The following CSMD1 variants were observed in gnomAD, a reference collection of about 807,000 sequenced individuals.
CSMD1 encodes the protein CUB and Sushi multiple domains 1.
In CSMD1, 213 loss-of-function variants were observed where a neutral mutation model predicts 417.5. The ratio of observed to expected loss-of-function variants is 0.51; its 90% CI spans 0.46 to 0.57. The LOEUF is 0.57. Ranked by LOEUF, CSMD1 falls within the 20% of genes least tolerant of loss-of-function variation. The pLI is 0.00. For synonymous variants in CSMD1, 2,862 were observed against 1,736.8 expected, an observed-to-expected ratio of 1.65 and a Z score of -16.11; for missense variants, 6,923 against 4,529.7, an observed-to-expected ratio of 1.53 and a Z score of -15.17.
chr8:4,735,043 C>G (rs1376709329), intron 1 of CSMD1, among the ~76,000 whole-genome samples: 4 of 152,166 alleles, frequency 2.6e-5, no homozygotes, highest in African/African-American at 7.2e-5. Flanking sequence ...TGATGGAGAA[C>G]AAGTCAGTTC....
At chr8:4,030,998 C>T (rs1453109309) in intron 4 of CSMD1, among the ~76,000 whole-genome samples, 3 of 152,172 alleles carry the variant, frequency 2.0e-5, no homozygotes, top group Non-Finnish European at 4.4e-5. Flanking sequence ...TTCTCATCTC[C>T]ATCCGAGACC....
chr8:4,326,264 C>T (rs1799557951), intron 3 of CSMD1, among the ~76,000 whole-genome samples: 1 of 152,174 alleles, frequency 6.6e-6, no homozygotes, highest in Non-Finnish European at 1.5e-5. Context: ...TGCAGATCAT[C>T]TTCACATACG....
At chr8:3,872,261 T>A (rs1408410878) in intron 5 of CSMD1, among the ~76,000 whole-genome samples, 2 of 152,200 alleles carry the variant, frequency 1.3e-5, no homozygotes, top group Non-Finnish European at 2.9e-5. Flanking sequence ...AGGGTTCTTC[T>A]GTGAACTGAA....
chr8:3,447,029 G>A (rs1815349046), intron 12 of CSMD1, among the ~76,000 whole-genome samples: 1 of 152,174 alleles, frequency 6.6e-6, no homozygotes, highest in South Asian at 2.1e-4. Context: ...TTCATTTTCA[G>A]GAAGACAGAA....
chr8:4,124,458 G>A (rs1478316020), intron 3 of CSMD1, among the ~76,000 whole-genome samples: 4 of 152,120 alleles, frequency 2.6e-5, no homozygotes, highest in African/African-American at 9.7e-5. Context: ...AGCTGCAGAT[G>A]GCCACTGTGG....
chr8:2,980,033 A>C (rs76469501), intron 54 of CSMD1, among the ~76,000 whole-genome samples: 1 of 152,204 alleles, frequency 6.6e-6, no homozygotes, highest in African/African-American at 2.4e-5. Flanking sequence ...CCATTCTTAC[A>C]TCAAGCATAA....
intron 3 of CSMD1, among the ~76,000 whole-genome samples, chr8:4,065,211 A>T (rs544274955): frequency 5.3e-5 from 8 of 152,218 alleles, no homozygotes; most frequent in African/African-American, 1.9e-4. Context: ...CTTATGAAAG[A>T]AAATAGTCCT....
chr8:3,277,785 C>G (rs1311880716), intron 26 of CSMD1, among the ~76,000 whole-genome samples: 6 of 152,020 alleles, frequency 3.9e-5, no homozygotes, highest in African/African-American at 1.4e-4. Flanking sequence ...CTTAGGAGTA[C>G]CAGAATTGGA....
intron 42 of CSMD1, 88 bp downstream of exon 42, chr8:3,118,311 T>A: frequency 2.2e-6 from 2 of 908,100 alleles, no homozygotes; most frequent in Non-Finnish European, 3.3e-6. Context: ...AATACATTAA[T>A]AAATTACTGG....
intron 3 of CSMD1, among the ~76,000 whole-genome samples, chr8:4,151,036 A>G (rs565566250): frequency 2.6e-5 from 4 of 152,162 alleles, no homozygotes; most frequent in Non-Finnish European, 5.9e-5. Context: ...ATGCAGACGT[A>G]ATAAAACGGT....
chr8:4,974,043 C>A (rs1165421055), intron 1 of CSMD1, among the ~76,000 whole-genome samples: 1 of 152,148 alleles, frequency 6.6e-6, no homozygotes, highest in Admixed American at 6.6e-5. Context: ...TTATTTTAGA[C>A]AGAGTCTCAC....
chr8:3,684,452 T>C (rs928125556), intron 7 of CSMD1, among the ~76,000 whole-genome samples: 4 of 150,694 alleles, frequency 2.7e-5, no homozygotes, highest in African/African-American at 4.9e-5. Flanking sequence ...ACTTAACAAT[T>C]TTATTTAGAT....
intron 3 of CSMD1, among the ~76,000 whole-genome samples, chr8:4,090,056 T>C (rs1388983475): frequency 2.0e-5 from 3 of 152,226 alleles, no homozygotes; most frequent in Non-Finnish European, 4.4e-5. Flanking sequence ...ATAGGACATG[T>C]AAATTTTCGA....
intron 7 of CSMD1, among the ~76,000 whole-genome samples, chr8:3,642,551 C>T (rs1368212291): frequency 1.3e-5 from 2 of 152,170 alleles, no homozygotes; most frequent in East Asian, 3.9e-4. Flanking sequence ...AGATAAAGTT[C>T]CAAGGAACAG....
In CSMD1 at chr8:2,950,293, T is replaced by G; in HGVS notation, c.10252A>C (p.Lys3418Gln). The change falls in exon 67 of 70, where the codon AAA (lysine) becomes CAA (glutamine). Residue 3418 changes from lysine (K) to glutamine (Q), a missense_variant. Physicochemically the swap from Lys to Gln is moderately conservative, Grantham distance 53 (BLOSUM62 1). Coordinates refer to ENST00000635120, the MANE Select transcript of CSMD1 (RefSeq NM_033225.6). ...AHLLLKAFQIKGQADIFVSKF... is the reference protein window; with the variant it reads ...AHLLLKAFQIQGQADIFVSKF... ...CTTACAAAAATATCTGCCTGGCCTT[T>G]AATTTGAAAAGCTTTCAGGAGTAAG... The G allele has an allele frequency of 6.2e-7, 1 of 1,613,554 alleles. No individual in the cohort carries two copies. The highest frequency in any genetic ancestry group is 1.1e-5 in the South Asian group (1 of 91,074).
At chr8:4,410,997 C>A (rs1181175448) in intron 3 of CSMD1, among the ~76,000 whole-genome samples, 3 of 152,134 alleles carry the variant, frequency 2.0e-5, no homozygotes, top group African/African-American at 7.2e-5. Context: ...GAGGTTGCCC[C>A]TGTGTCTTAC....
rs139046064 is a variant in CSMD1, at chr8:4,789,760, ATTT to A, written c.86-152205_86-152203del. On this transcript the variant is annotated intron_variant, in intron 1 of 69. Coordinates refer to ENST00000635120, the MANE Select transcript of CSMD1 (RefSeq NM_033225.6). ...GCTCCCAACATAGTTCATGTAGTAA[ATTT>A]TTTAAGTTATCACTGTGTAATTTAG... Among the ~76,000 whole-genome samples the A allele has an allele frequency of 5.5e-3, 842 of 152,256 alleles. 12 individuals carry two copies. Among genetic ancestry groups the A allele is most frequent in the African/African-American group, 0.02 (815 of 41,534 alleles).
At chr8:4,117,228 G>A (rs898854767) in intron 3 of CSMD1, among the ~76,000 whole-genome samples, 3 of 132,852 alleles carry the variant, frequency 2.3e-5, no homozygotes, top group South Asian at 5.1e-4. Context: ...CCATCTCATG[G>A]TCGTTTCTGT....
intron 5 of CSMD1, among the ~76,000 whole-genome samples, chr8:3,876,938 T>A (rs904125915): frequency 4.6e-5 from 7 of 152,204 alleles, no homozygotes; most frequent in African/African-American, 1.4e-4. Context: ...CTTTTTATCA[T>A]GATTTATTTA....
Sources: allele counts gnomAD v4.1 joint callset (sites outside exome capture counted in the v4.1 genomes callset), GRCh38; gene constraint gnomAD v4.1.1; transcripts MANE v1.5; gene names NCBI Gene and HGNC (gene_info 2026-07-23, HGNC 2026-07-21).